CSE1L: variants seen among roughly 807,000 people sequenced by gnomAD.
CSE1L encodes the protein exportin-2.
A neutral mutation model predicts 120.4 loss-of-function variants in CSE1L; 24 were observed. The ratio of observed to expected loss-of-function variants is 0.20; its 90% CI spans 0.14 to 0.28. The LOEUF is 0.28. Among genes scored for constraint, CSE1L ranks in the 10% least tolerant of loss-of-function variants. CSE1L has a pLI of 1.00. For missense variants in CSE1L, 830 were observed against 1,145.2 expected (o/e 0.72, Z 3.97); for synonymous variants, 402 against 398.3 (o/e 1.01, Z -0.11).
intron 2 of CSE1L, among the ~76,000 whole-genome samples, chr20:49,062,675 T>C (rs1391593541): frequency 6.6e-6 from 1 of 152,064 alleles, no homozygotes; most frequent in Non-Finnish European, 1.5e-5. Flanking sequence ...GTTTTTTAAA[T>C]GCTATCTACT....
intron 1 of CSE1L, among the ~76,000 whole-genome samples, chr20:49,049,226 C>G (rs548595437): frequency 1.4e-3 from 216 of 151,956 alleles, no homozygotes; most frequent in Non-Finnish European, 2.3e-3. Context: ...TATCTTCTCC[C>G]TCCCTTTTTT....
At chr20:49,053,515 G>T (rs1387362238) in intron 1 of CSE1L, among the ~76,000 whole-genome samples, 5 of 151,238 alleles carry the variant, frequency 3.3e-5, no homozygotes, top group Admixed American at 6.6e-5. Flanking sequence ...TGTGCTACCA[G>T]GCATGGCTAA....
rs149219789 is a variant in CSE1L at position 49,091,897 on chromosome 20, A to G, written c.2366-149A>G. The stretch of plus-strand genomic sequence containing the variant: ...CAGCATGTAAAGGTCTATGACAGAA[A>G]GACAAGTTTTCTATTTACTAGAAGG... On this transcript the variant is annotated intron_variant, in intron 21 of 24. Coordinates refer to ENST00000262982, the MANE Select transcript of CSE1L (RefSeq NM_001316.4). 2,388 of 608,928 alleles carry G rather than the reference A, an allele frequency of 3.9e-3. 11 individuals carry two copies. The highest frequency in any genetic ancestry group is 4.2e-3 in the Non-Finnish European group (1,458 of 343,094). The allele number at this position is 608,928 out of a possible 1,614,324, so 37.7% of individuals were successfully genotyped here. A position where few individuals can be genotyped will look rare whatever the true frequency, so the allele number is the denominator to read the frequency against.
chr20:49,085,280 T>C lies in CSE1L; in HGVS notation c.1620-3T>C. ...TGACTGAAAGCTGTTTTTTCATCTA[T>C]AGCTTTACAGCTGCAGAAATCGCAC... On this transcript the variant is annotated splice_region_variant and splice_polypyrimidine_tract_variant and intron_variant, in intron 15 of 24. Coordinates refer to ENST00000262982, the MANE Select transcript of CSE1L (RefSeq NM_001316.4). 1.2e-6 allele frequency: 2 copies of C among 1,612,982 alleles called. No individual in the cohort carries two copies. The highest frequency in any genetic ancestry group is 2.2e-5 in the South Asian group (2 of 91,052).
chr20:49,073,893 T>A (rs1045550981), intron 10 of CSE1L, among the ~76,000 whole-genome samples: 6 of 152,142 alleles, frequency 3.9e-5, no homozygotes, highest in African/African-American at 1.2e-4. Flanking sequence ...TTATTTCCTG[T>A]TGTGTTTTCA....
In CSE1L at chr20:49,075,405, G is replaced by C. The variant is rs762232573; in HGVS notation, c.1220G>C (p.Gly407Ala). ...FEGPVTGIFSGYVNSMLQEYA... is the reference protein window; with the variant it reads ...FEGPVTGIFSAYVNSMLQEYA... ...GGACCTGTGACAGGAATCTTCTCTG[G>C]TTATGTTAATTCCATGCTGCAGGAA... The change falls in exon 12 of 25, where the codon GGT (glycine) becomes GCT (alanine). Residue 407 changes from glycine to alanine, a missense_variant. Physicochemically the swap from Gly to Ala is moderately conservative, Grantham distance 60. Around this residue, in one of 4 missense-constraint regions of CSE1L, gnomAD observed 543 missense variants for 640.2 expected, o/e 0.85. Transcript: ENST00000262982. 13 of 1,613,878 alleles carry C rather than the reference G, an allele frequency of 8.1e-6. No homozygotes were observed. The highest frequency in any genetic ancestry group is 1.1e-5 in the Non-Finnish European group (13 of 1,179,962).
intron 16 of CSE1L, among the ~76,000 whole-genome samples, chr20:49,085,848 G>A (rs1244426151): frequency 6.6e-6 from 1 of 152,050 alleles, no homozygotes; most frequent in Non-Finnish European, 1.5e-5. Flanking sequence ...TGGGATTAGA[G>A]GCCACTGCAC....
intron 2 of CSE1L, among the ~76,000 whole-genome samples, chr20:49,062,559 C>T (rs1478043227): frequency 6.6e-6 from 1 of 151,794 alleles, no homozygotes; most frequent in Non-Finnish European, 1.5e-5. Context: ...TTTAGTTCGA[C>T]AAGAAAGCTT....
intron 10 of CSE1L, 124 bp from the exon 11 acceptor site, chr20:49,074,661 C>T (rs2091957206): frequency 1.6e-6 from 1 of 636,436 alleles, no homozygotes; most frequent in South Asian, 2.2e-5. Context: ...ATGAAGTAGT[C>T]ATCTGATGGG....
chr20:49,056,847 C>CTGTGTG lies in CSE1L; in HGVS notation c.-11-1571_-11-1566dup, dbSNP rs3223230. Among the ~76,000 whole-genome samples, 1,176 of 149,054 alleles carry CTGTGTG rather than the reference C, an allele frequency of 7.9e-3. 18 individuals carry two copies. Among genetic ancestry groups the CTGTGTG allele is most frequent in the African/African-American group, 0.018 (742 of 40,578 alleles). On this transcript the variant is annotated intron_variant, in intron 1 of 24. Coordinates refer to ENST00000262982, the MANE Select transcript of CSE1L (RefSeq NM_001316.4). ...GCTAATTAACATATTACTTCACATG[C>CTGTGTG]TGTGTGTGTGTGTGTGTGTGTGTGT...
chr20:49,078,647 C>T (rs760455013), intron 14 of CSE1L, 25 bp downstream of exon 14: 37 of 1,468,862 alleles, frequency 2.5e-5, no homozygotes, highest in Non-Finnish European at 2.8e-5. Context: ...ATTTGTTACA[C>T]GCCACTTAAT....
rs73266290 is a variant in CSE1L, at chr20:49,079,558, A to G, written c.1482+936A>G. On this transcript the variant is annotated intron_variant, in intron 14 of 24. Transcript: ENST00000262982. The stretch of plus-strand genomic sequence containing the variant: ...CCTTTCTTATGCTTGTTGTTGGAGA[A>G]AACACTCATTTATCTTAGAGACTTT... Among the ~76,000 whole-genome samples the G allele has an allele frequency of 8.1e-3, 1,226 of 151,908 alleles. 16 individuals carry two copies. The highest frequency in any genetic ancestry group is 0.028 in the African/African-American group (1,157 of 41,420).
chr20:49,096,119 A>G (rs1435087635), intron 24 of CSE1L: 4 of 675,710 alleles, frequency 5.9e-6, no homozygotes, highest in Non-Finnish European at 1.1e-5. Context: ...TTTTTAATTA[A>G]CCACAATACC....
chr20:49,065,313 AT>A lies in CSE1L; in HGVS notation c.229-852del, dbSNP rs376073464. On this transcript the variant is annotated intron_variant, in intron 3 of 24. Coordinates refer to ENST00000262982, the MANE Select transcript of CSE1L (RefSeq NM_001316.4). ...AGTTTACATATGAAATGAAAAAAAA[AT>A]TTTTTTTTTTTTTTTTTTTTTTTTT... 3.9e-3 allele frequency among the ~76,000 whole-genome samples: 202 copies of A among 52,090 alleles called. 1 individual carries two copies. The highest frequency in any genetic ancestry group is 6.4e-3 in the African/African-American group (101 of 15,794). The allele number at this position is 52,090 out of a possible 152,430, so 34.2% of individuals were successfully genotyped here. A position where few individuals can be genotyped will look rare whatever the true frequency, so the allele number is the denominator to read the frequency against.
chr20:49,054,835 A>C (rs961975958), intron 1 of CSE1L, among the ~76,000 whole-genome samples: 2 of 152,138 alleles, frequency 1.3e-5, no homozygotes, highest in African/African-American at 4.8e-5. Context: ...CTAGCCCACT[A>C]TTCTCTCTTC....
chr20:49,066,373 T>C lies in CSE1L; in HGVS notation c.339T>C (p.Asp113=), dbSNP rs774984847. Residue 113 remains aspartate (D), a synonymous_variant, in exon 5 of 25, where the codon GAT becomes GAC. Transcript: ENST00000262982. The stretch of plus-strand genomic sequence containing the variant: ...ATCTTTTCCTCTCCTAGTTAAGTGA[T>C]GCAATTAGCATTATTGGCAGAGAAG... ...SPEQIQKQLS[D]AISIIGREDF... is the part of the protein sequence containing the mutation. The C allele has an allele frequency of 1.2e-6, 2 of 1,614,214 alleles. No individual in the cohort carries two copies. Among genetic ancestry groups the C allele is most frequent in the Non-Finnish European group, 1.7e-6 (2 of 1,180,036 alleles).
chr20:49,050,756 C>T (rs1481168930), intron 1 of CSE1L, among the ~76,000 whole-genome samples: 3 of 151,854 alleles, frequency 2.0e-5, no homozygotes, highest in Non-Finnish European at 2.9e-5. Flanking sequence ...CAGGATCTCA[C>T]TATTGTTGCC....
intron 17 of CSE1L, among the ~76,000 whole-genome samples, chr20:49,088,437 G>T (rs6066963): frequency 6.6e-6 from 1 of 152,214 alleles, no homozygotes; most frequent in African/African-American, 2.4e-5. Context: ...AAAAGAGGCT[G>T]TCTGGACTTC....
In CSE1L at chr20:49,088,888, A is replaced by T. The variant is rs1395861210; in HGVS notation, c.1822-359A>T. 2.0e-5 allele frequency among the ~76,000 whole-genome samples: 3 copies of T among 152,262 alleles called. No individual in the cohort carries two copies. The East Asian group carries it at 5.8e-4, about 29-fold the overall frequency. ...TTGTTGCTTAAAAAGAACATAAAAA[A>T]CTACTCATTTGGGGGATTATCAGTA... On this transcript the variant is annotated intron_variant, in intron 17 of 24. Coordinates refer to ENST00000262982, the MANE Select transcript of CSE1L (RefSeq NM_001316.4).
Sources: gnomAD v4.1 joint callset for allele counts (sites outside exome capture counted in the v4.1 genomes callset) on GRCh38, gnomAD v4.1.1 for gene constraint, gnomAD v4.1.1 regional missense constraint, MANE v1.5 for transcripts, NCBI Gene and HGNC (gene_info 2026-07-23, HGNC 2026-07-21) for gene names.